Variants in PPM1D observed in about 807,000 individuals in gnomAD.
PPM1D encodes protein phosphatase 1D.
In PPM1D, 52 loss-of-function variants were observed where a neutral mutation model predicts 58.3. That is an observed-to-expected ratio of 0.89 (90% CI 0.71 to 1.12). The LOEUF (loss-of-function observed/expected upper bound fraction) is 1.12, where lower values mean the gene tolerates loss of function less well. Among genes scored for constraint, PPM1D ranks in the 50% most tolerant of loss-of-function variants. The pLI is 0.00. For missense variants in PPM1D, 564 were observed against 777.2 expected, an observed-to-expected ratio of 0.73 and a Z score of 3.26; for synonymous variants, 278 against 285.1, an observed-to-expected ratio of 0.98 and a Z score of 0.25.
chr17:60,655,984 A>G (rs1171482234), intron 4 of PPM1D, among the ~76,000 whole-genome samples: 1 of 151,974 alleles, frequency 6.6e-6, no homozygotes, highest in African/African-American at 2.4e-5. Flanking sequence ...TACAGGCATG[A>G]GCCATTGCGT....
intron 1 of PPM1D, among the ~76,000 whole-genome samples, chr17:60,622,451 A>G (rs563618071): frequency 8.5e-5 from 13 of 152,296 alleles, no homozygotes; most frequent in African/African-American, 2.9e-4. Context: ...TTTTGCCATC[A>G]TGAACTATAA....
Position 60,600,269 on chromosome 17 carries a change from C to T in PPM1D, c.-146C>T, listed in dbSNP as rs2030171418. 11 of 1,408,400 alleles carry T rather than the reference C, an allele frequency of 7.8e-6. No individual in the cohort carries two copies. Among genetic ancestry groups the T allele is most frequent in the Non-Finnish European group, 9.3e-6 (10 of 1,075,232 alleles). 87.2% of individuals were successfully genotyped at this position (1,408,400 alleles called of 1,614,324 possible). ...CTCTCGCGGACAAGTCCAGACATCG[C>T]GCGCCCCCCCTTCTCCGGGTCCGCC... On this transcript the variant is annotated 5_prime_UTR_variant, in exon 1 of 6. Coordinates refer to ENST00000305921, the MANE Select transcript of PPM1D (RefSeq NM_003620.4).
Position 60,661,706 on chromosome 17 carries a change from AAATCACAGAGC to A in PPM1D, c.1261-1287_1261-1277del, listed in dbSNP as rs1265278942. On this transcript the variant is annotated intron_variant, in intron 5 of 5. Transcript: ENST00000305921. ...TGGTCCCATGTGTACTACTTTTCTC[AAATCACAGAGC>A]AGTATCTAGTGTTTGCAGGATGGGT... 2.5e-4 allele frequency among the ~76,000 whole-genome samples: 38 copies of A among 152,308 alleles called. No individual in the cohort carries two copies. The South Asian group carries it at 3.7e-3, about 15-fold the overall frequency.
At chr17:60,657,960 T>C (rs1289319300) in intron 5 of PPM1D, among the ~76,000 whole-genome samples, 1 of 152,114 alleles carries the variant, frequency 6.6e-6, no homozygotes, top group Non-Finnish European at 1.5e-5. Context: ...AAGCTGGTCT[T>C]GAACTCCTGA....
At chr17:60,657,559 G>A (rs2031462513) in intron 5 of PPM1D, among the ~76,000 whole-genome samples, 1 of 152,064 alleles carries the variant, frequency 6.6e-6, no homozygotes, top group Non-Finnish European at 1.5e-5. Flanking sequence ...GGAAATGTAG[G>A]GAAATCTAAT....
In PPM1D at chr17:60,663,202, T is replaced by G; in HGVS notation, c.1468T>G (p.Leu490Val). 1 of 1,614,134 alleles carries G rather than the reference T, an allele frequency of 6.2e-7. No homozygotes were observed. The highest frequency in any genetic ancestry group is 8.5e-7 in the Non-Finnish European group (1 of 1,180,006). Residue 490 changes from leucine to valine, a missense_variant, in exon 6 of 6, where the codon TTG becomes GTG. Transcript: ENST00000305921. ...KALTLRIHDS[L>V]NNSLPIGLVP... The stretch of plus-strand genomic sequence containing the variant: ...CCTGACTTTAAGGATACATGATTCT[T>G]TGAATAATAGCCTTCCAATTGGCCT...
In PPM1D at chr17:60,642,718, A is replaced by G. The variant is rs534314640; in HGVS notation, c.827-5174A>G. On this transcript the variant is annotated intron_variant, in intron 3 of 5. Transcript: ENST00000305921. The stretch of plus-strand genomic sequence containing the variant: ...GTGATCCACCAGCCTGGGCCTCCCA[A>G]AGTTTTGGGATTACAGGCGTGAGCC... 1.1e-4 allele frequency among the ~76,000 whole-genome samples: 16 copies of G among 152,160 alleles called. 1 individual carries two copies. The South Asian group carries it at 3.1e-3, about 30-fold the overall frequency.
intron 1 of PPM1D, 64 bp downstream of exon 1, chr17:60,600,950 C>A: frequency 6.2e-7 from 1 of 1,600,470 alleles, no homozygotes; most frequent in Non-Finnish European, 8.5e-7. Flanking sequence ...TTTATGGCAC[C>A]AGCCCCGCGT....
At chr17:60,630,877 T>C (rs1475064582) in intron 2 of PPM1D, among the ~76,000 whole-genome samples, 7 of 152,240 alleles carry the variant, frequency 4.6e-5, no homozygotes, top group African/African-American at 1.7e-4. Flanking sequence ...AGGCAGAATG[T>C]TGGCATCTTA....
At chr17:60,655,123 A>G (rs752738470) in intron 4 of PPM1D, among the ~76,000 whole-genome samples, 1 of 152,098 alleles carries the variant, frequency 6.6e-6, no homozygotes, top group African/African-American at 2.4e-5. Flanking sequence ...TTTTCCTCAT[A>G]TGAGTGACAT....
intron 3 of PPM1D, among the ~76,000 whole-genome samples, chr17:60,645,154 G>C (rs2031209806): frequency 6.6e-6 from 1 of 152,098 alleles, no homozygotes; most frequent in South Asian, 2.1e-4. Flanking sequence ...AGGAGTTCCA[G>C]ACCAGCCTAG....
chr17:60,622,121 C>T (rs539681660), intron 1 of PPM1D, among the ~76,000 whole-genome samples: 15 of 149,996 alleles, frequency 1.0e-4, no homozygotes, highest in African/African-American at 2.4e-4. Flanking sequence ...ACCTGGGAGG[C>T]GGAGCTTGCA....
Position 60,663,197 on chromosome 17 carries a change from AT to A in PPM1D, c.1465del (p.Ser489LeufsTer2). On this transcript the variant is annotated frameshift_variant, in exon 6 of 6. Coordinates refer to ENST00000305921, the MANE Select transcript of PPM1D (RefSeq NM_003620.4). LOFTEE classifies it high-confidence loss of function. ...AAAGCCCTGACTTTAAGGATACATGATTCTTTGAATAATAGCCTTCCAATTG... is the reference window on the plus strand; with the variant it reads ...AAAGCCCTGACTTTAAGGATACATGATCTTTGAATAATAGCCTTCCAATTG... ...CAKALTLRIH[D>X]SLNNSLPIGL... 1 of 1,614,188 alleles carries A rather than the reference AT, an allele frequency of 6.2e-7. No homozygotes were observed. The highest frequency in any genetic ancestry group is 8.5e-7 in the Non-Finnish European group (1 of 1,179,992).
chr17:60,613,474 G>T (rs1238352471), intron 1 of PPM1D, among the ~76,000 whole-genome samples: 1 of 152,246 alleles, frequency 6.6e-6, no homozygotes, highest in African/African-American at 2.4e-5. Context: ...GCCCTCGCTG[G>T]CTCTCAGCGC....
At chr17:60,613,045 T>C (rs147601884) in intron 1 of PPM1D, among the ~76,000 whole-genome samples, 360 of 152,316 alleles carry the variant, frequency 2.4e-3, no homozygotes, top group Non-Finnish European at 4.0e-3. Flanking sequence ...CTTCCTAACC[T>C]ATCAGTTAAG....
chr17:60,649,414 C>T (rs371320749), intron 4 of PPM1D, among the ~76,000 whole-genome samples: 2 of 151,638 alleles, frequency 1.3e-5, no homozygotes, highest in South Asian at 4.2e-4. Flanking sequence ...TCATTCCGGG[C>T]GCAGTAGCTC....
intron 3 of PPM1D, among the ~76,000 whole-genome samples, chr17:60,643,840 G>A (rs2031183996): frequency 6.6e-6 from 1 of 150,450 alleles, no homozygotes; most frequent in Non-Finnish European, 1.5e-5. Context: ...CAATCAGATG[G>A]ATCCAATTTA....
At chr17:60,610,687 C>T (rs184634996) in intron 1 of PPM1D, among the ~76,000 whole-genome samples, 1 of 152,308 alleles carries the variant, frequency 6.6e-6, no homozygotes, top group Admixed American at 6.5e-5. Flanking sequence ...CACACTTCAA[C>T]AGCAGAGTTG....
chr17:60,636,967 ATTT>A lies in PPM1D; in HGVS notation c.826+3007_826+3009del, dbSNP rs5821296. ...TGCGACAGCGCTCAGCCTACTCATG[ATTT>A]TTTTTTTTTTTTTTTTAGACAGAAT... is the stretch of plus-strand genomic sequence containing the variant. On this transcript the variant is annotated intron_variant, in intron 3 of 5. Transcript: ENST00000305921. 1.0e-3 allele frequency among the ~76,000 whole-genome samples: 135 copies of A among 135,302 alleles called. 1 individual carries two copies. The highest frequency in any genetic ancestry group is 3.6e-3 in the African/African-American group (131 of 36,046). The allele number at this position is 135,302 out of a possible 152,430, so 88.8% of individuals were successfully genotyped here. A position where few individuals can be genotyped will look rare whatever the true frequency, so the allele number is the denominator to read the frequency against.
Sources: gnomAD v4.1 joint callset for allele counts (sites outside exome capture counted in the v4.1 genomes callset) on GRCh38, gnomAD v4.1.1 for gene constraint, MANE v1.5 for transcripts, NCBI Gene and HGNC (gene_info 2026-07-23, HGNC 2026-07-21) for gene names.